ERBB4: variants seen among roughly 807,000 people sequenced by gnomAD.
The protein encoded by ERBB4 is erb-b2 receptor tyrosine kinase 4, also known as receptor tyrosine-protein kinase erbB-4.
ERBB4 carries 42 observed loss-of-function variants against 158.0 expected under a neutral mutation model. The observed-to-expected ratio is 0.27, with a 90% CI of 0.21 to 0.34. ERBB4 has a LOEUF of 0.34. Ranked by LOEUF, ERBB4 falls within the 10% of genes least tolerant of loss-of-function variation. The pLI is 1.00. For missense variants in ERBB4, 1,333 were observed against 1,624.1 expected (o/e 0.82, Z 3.08); for synonymous variants, 583 against 558.7 (o/e 1.04, Z -0.61).
intron 1 of ERBB4, among the ~76,000 whole-genome samples, chr2:212,360,987 A>G (rs2089665595): frequency 6.6e-6 from 1 of 151,692 alleles, no homozygotes; most frequent in African/African-American, 2.4e-5. Context: ...TTAAATTTTT[A>G]GTTTACAGCC....
chr2:211,556,126 G>C (rs956749374), intron 20 of ERBB4, among the ~76,000 whole-genome samples: 3 of 152,130 alleles, frequency 2.0e-5, no homozygotes, highest in Non-Finnish European at 2.9e-5. Flanking sequence ...GAAAAAAATA[G>C]GGGTTGCAAT....
intron 2 of ERBB4, among the ~76,000 whole-genome samples, chr2:211,992,906 A>G (rs1217271742): frequency 6.6e-6 from 1 of 152,248 alleles, no homozygotes; most frequent in Non-Finnish European, 1.5e-5. Context: ...AATAATTTTT[A>G]GCCTTATATA....
intron 3 of ERBB4, among the ~76,000 whole-genome samples, chr2:211,901,860 A>G (rs972209799): frequency 2.6e-5 from 4 of 152,170 alleles, no homozygotes; most frequent in African/African-American, 4.8e-5. Context: ...TTGCTTTTAC[A>G]TAAACATTAA....
intron 1 of ERBB4, among the ~76,000 whole-genome samples, chr2:212,452,795 C>T (rs1346998569): frequency 6.6e-6 from 1 of 151,966 alleles, no homozygotes; most frequent in African/African-American, 2.4e-5. Flanking sequence ...TATCTACATA[C>T]TAGAAATATT....
chr2:212,524,344 T>G (rs941055156), intron 1 of ERBB4, among the ~76,000 whole-genome samples: 4 of 152,170 alleles, frequency 2.6e-5, no homozygotes, highest in African/African-American at 9.6e-5. Context: ...GATAGTCCCA[T>G]ATCTAATACA....
chr2:211,440,295 A>G (rs1341931217), intron 20 of ERBB4, among the ~76,000 whole-genome samples: 1 of 152,214 alleles, frequency 6.6e-6, no homozygotes, highest in Non-Finnish European at 1.5e-5. Context: ...TAGGCAGCCA[A>G]TCAATAAAGA....
chr2:211,456,165 T>A (rs1183178983), intron 20 of ERBB4, among the ~76,000 whole-genome samples: 1 of 152,232 alleles, frequency 6.6e-6, no homozygotes, highest in Non-Finnish European at 1.5e-5. Context: ...TTTTCATTTG[T>A]TAACTAAGTG....
At chr2:211,777,533 C>T (rs1449583924) in intron 4 of ERBB4, 3 of 152,158 alleles carry the variant, frequency 2.0e-5, no homozygotes, top group African/African-American at 7.2e-5. Flanking sequence ...AAGAAATTAG[C>T]ATGGTTGACA....
chr2:211,820,972 C>A (rs556078668), intron 3 of ERBB4, among the ~76,000 whole-genome samples: 1 of 151,870 alleles, frequency 6.6e-6, no homozygotes, highest in African/African-American at 2.4e-5. Context: ...CCAGCTTTTC[C>A]CCTAAGAACT....
chr2:211,853,881 G>C (rs1445851898), intron 3 of ERBB4, among the ~76,000 whole-genome samples: 1 of 152,028 alleles, frequency 6.6e-6, no homozygotes, highest in Non-Finnish European at 1.5e-5. Flanking sequence ...ACTTAAAAAG[G>C]AGTCATCACC....
At chr2:211,944,503 C>A (rs2080623112) in intron 3 of ERBB4, among the ~76,000 whole-genome samples, 1 of 151,636 alleles carries the variant, frequency 6.6e-6, no homozygotes, top group Middle Eastern at 3.4e-3. Context: ...TATCCAGGAT[C>A]CCAGTGTATT....
rs545851936 is a variant in ERBB4, at chr2:212,015,825, T to A, written c.235-68209A>T. 4.6e-5 allele frequency among the ~76,000 whole-genome samples: 7 copies of A among 152,292 alleles called. No homozygotes were observed. The South Asian group carries it at 1.4e-3, about 32-fold the overall frequency. ...AAAATGAACTTCCAAGTGCCAGTAC[T>A]TGAGGCCCTTTGACCTTGAACAGTT... On this transcript the variant is annotated intron_variant, in intron 2 of 27. Transcript: ENST00000342788.
chr2:211,900,169 CCTAAATACGAGG>C (rs1018839143), intron 3 of ERBB4, among the ~76,000 whole-genome samples: 67 of 152,088 alleles, frequency 4.4e-4, no homozygotes, highest in Admixed American at 3.0e-3. Context: ...TAAAGTGATT[CCTAAATACGAGG>C]CTCATTTACG....
In ERBB4 at chr2:212,397,595, G is replaced by A. The variant is rs2091068373; in HGVS notation, c.82+140854C>T. On this transcript the variant is annotated intron_variant, in intron 1 of 27. Transcript: ENST00000342788. The stretch of plus-strand genomic sequence containing the variant: ...TTTTACAAGGTTGCATTCATACCTT[G>A]TTATTACACTCCTCTCTTTCCTATA... Among the ~76,000 whole-genome samples the A allele has an allele frequency of 2.6e-5, 4 of 152,134 alleles. No homozygotes were observed. The South Asian group carries it at 8.3e-4, about 31-fold the overall frequency.
At chr2:212,195,126 C>T (rs976023187) in intron 1 of ERBB4, among the ~76,000 whole-genome samples, 5 of 151,954 alleles carry the variant, frequency 3.3e-5, no homozygotes, top group East Asian at 1.9e-4. Context: ...TATATAAATT[C>T]GCCATTAACT....
At chr2:212,272,199 C>T (rs1282528967) in intron 1 of ERBB4, among the ~76,000 whole-genome samples, 2 of 151,694 alleles carry the variant, frequency 1.3e-5, no homozygotes, top group Non-Finnish European at 2.9e-5. Flanking sequence ...AACATACACA[C>T]ACATTTTGCC....
chr2:212,127,621 TTA>T (rs1452883571), intron 1 of ERBB4, among the ~76,000 whole-genome samples: 3 of 152,028 alleles, frequency 2.0e-5, no homozygotes, highest in Non-Finnish European at 2.9e-5. Context: ...AAAAAACACA[TTA>T]TGTTTTTTGA....
chr2:211,953,661 T>C (rs16847322), intron 2 of ERBB4, among the ~76,000 whole-genome samples: 10,113 of 152,026 alleles, frequency 0.067, 672 homozygotes, highest in East Asian at 0.28. Flanking sequence ...TTGATTTCCA[T>C]TGTCAATGTA....
chr2:211,943,006 C>T (rs839532), intron 3 of ERBB4, among the ~76,000 whole-genome samples: 119,266 of 152,046 alleles, frequency 0.78, 47,241 homozygotes, highest in African/African-American at 0.87. Context: ...GCATTTATCT[C>T]TCCATTTAAG....
Sources: gnomAD v4.1 joint callset for allele counts (sites outside exome capture counted in the v4.1 genomes callset) on GRCh38, gnomAD v4.1.1 for gene constraint, MANE v1.5 for transcripts, NCBI Gene and HGNC (gene_info 2026-07-23, HGNC 2026-07-21) for gene names.